ACAD9: variants seen among roughly 807,000 people sequenced by gnomAD.
The protein encoded by ACAD9 is complex I assembly factor ACAD9, mitochondrial.
A neutral mutation model predicts 70.2 loss-of-function variants in ACAD9; 53 were observed. That is an observed-to-expected ratio of 0.75 (90% CI 0.61 to 0.95). The LOEUF is 0.95. Among genes scored for constraint, ACAD9 ranks in the 40% least tolerant of loss-of-function variants. ACAD9 has a pLI of 0.00. For synonymous variants in ACAD9, 313 were observed against 312.1 expected (o/e 1.00, Z -0.03); for missense variants, 777 against 802.8 (o/e 0.97, Z 0.39).
chr3:128,899,437 A>G lies in ACAD9; in HGVS notation c.784A>G (p.Lys262Glu). 1 of 1,614,200 alleles carries G rather than the reference A, an allele frequency of 6.2e-7. No individual in the cohort carries two copies. The highest frequency in any genetic ancestry group is 8.5e-7 in the Non-Finnish European group (1 of 1,180,028). Reference protein sequence around the residue: ...GGVTNGKPEDKLGIRGSNTCE... With the variant: ...GGVTNGKPEDELGIRGSNTCE... ...AGTCACTAATGGGAAACCCGAAGAT[A>G]AATTAGGCATTCGGGGCTCCAACAG... The change falls in exon 7 of 18, where the codon AAA becomes GAA. Residue 262 changes from lysine (K) to glutamate (E), a missense_variant. By Grantham distance (56) the Lys-to-Glu change is moderately conservative. Coordinates refer to ENST00000308982, the MANE Select transcript of ACAD9 (RefSeq NM_014049.5).
At chr3:128,888,449 C>T (rs1365922549) in intron 2 of ACAD9, among the ~76,000 whole-genome samples, 1 of 152,020 alleles carries the variant, frequency 6.6e-6, no homozygotes, top group Non-Finnish European at 1.5e-5. Context: ...TGTGTTGGTG[C>T]CCACCTGTAA....
chr3:128,887,612 AAAAAAT>A (rs1262164766), intron 2 of ACAD9, among the ~76,000 whole-genome samples: 6 of 139,010 alleles, frequency 4.3e-5, no homozygotes, highest in East Asian at 4.1e-4. Context: ...CTGTCTCAAA[AAAAAAT>A]AAAAATAAAA....
Position 128,908,200 on chromosome 3 carries a change from C to G in ACAD9, c.1294C>G (p.Leu432Val), listed in dbSNP as rs747259275. The change falls in exon 13 of 18, where the codon CTC becomes GTC. Residue 432 changes from leucine (L) to valine (V), a missense_variant. Transcript: ENST00000308982. ...LLIFEGTNEI[L>V]RMYIALTGLQ... ...CTGACCACAGGGAACCAATGAGATTCTCCGGATGTACATCGCCCTGACGGG... is the reference window on the plus strand; with the variant it reads ...CTGACCACAGGGAACCAATGAGATTGTCCGGATGTACATCGCCCTGACGGG... The G allele has an allele frequency of 2.0e-5, 32 of 1,614,082 alleles. No individual in the cohort carries two copies. The highest frequency in any genetic ancestry group is 2.4e-5 in the Non-Finnish European group (28 of 1,180,046).
chr3:128,879,696 G>T lies in ACAD9; in HGVS notation c.5G>T (p.Ser2Ile), dbSNP rs761385146. Reference sequence around the variant, plus strand: ...GGCTGGGGAACATCGGGCAGCATGAGCGGCTGCGGGCTCTTCCTGCGCACC... The same window carrying T: ...GGCTGGGGAACATCGGGCAGCATGATCGGCTGCGGGCTCTTCCTGCGCACC... Reference protein sequence around the residue: MSGCGLFLRTTA... With the variant: MIGCGLFLRTTA... Residue 2 changes from serine to isoleucine, a missense_variant, in exon 1 of 18, where the codon AGC (serine) becomes ATC (isoleucine). Ser to Ile is a moderately radical substitution (Grantham distance 142). Transcript: ENST00000308982. 3 of 1,612,404 alleles carry T rather than the reference G, an allele frequency of 1.9e-6. No homozygotes were observed. In the East Asian group the frequency reaches 6.7e-5, roughly 36 times the overall value.
chr3:128,895,600 G>T (rs950845351), intron 4 of ACAD9, among the ~76,000 whole-genome samples, 184 bp downstream of exon 4: 1 of 152,156 alleles, frequency 6.6e-6, no homozygotes, highest in Non-Finnish European at 1.5e-5. Context: ...GCCCACATGC[G>T]CAGTGGCCTT....
chr3:128,897,380 C>T (rs1382771304), intron 5 of ACAD9, among the ~76,000 whole-genome samples: 1 of 152,156 alleles, frequency 6.6e-6, no homozygotes, highest in African/African-American at 2.4e-5. Context: ...CGGGGTTTCA[C>T]CATGTTGGCC....
chr3:128,896,395 T>A (rs1351284529), intron 4 of ACAD9, 41 bp from the exon 5 acceptor site: 23 of 1,585,044 alleles, frequency 1.5e-5, no homozygotes, highest in Non-Finnish European at 2.0e-5. Flanking sequence ...TGCTCTCCTT[T>A]CTCCCCACAG....
intron 11 of ACAD9, among the ~76,000 whole-genome samples, chr3:128,905,013 G>A (rs1935846693): frequency 6.6e-6 from 1 of 152,046 alleles, no homozygotes; most frequent in African/African-American, 2.4e-5. Context: ...GGGCATAGTG[G>A]CGGGCACCTG....
chr3:128,908,928 G>A (rs371396822), intron 13 of ACAD9, 45 bp from the exon 14 acceptor site: 59 of 1,613,588 alleles, frequency 3.7e-5, no homozygotes, highest in East Asian at 4.5e-5. Context: ...GACAGTGAGC[G>A]CCAGCAGCGA....
chr3:128,898,348 G>T, intron 6 of ACAD9: 28 of 426,822 alleles, frequency 6.6e-5, no homozygotes, highest in Admixed American at 3.7e-4. Flanking sequence ...TTTTTTGTTT[G>T]TTTTTGTTTT....
chr3:128,884,391 C>T (rs1158587218), intron 1 of ACAD9, among the ~76,000 whole-genome samples: 1 of 152,132 alleles, frequency 6.6e-6, no homozygotes, highest in East Asian at 1.9e-4. Context: ...ATTATCATCC[C>T]TTGTACTGAG....
intron 11 of ACAD9, among the ~76,000 whole-genome samples, chr3:128,904,904 G>T (rs543664180): frequency 1.3e-5 from 2 of 152,156 alleles, no homozygotes; most frequent in Admixed American, 6.5e-5. Flanking sequence ...CAGCACTTTG[G>T]GGGGCCGAGG....
intron 12 of ACAD9, among the ~76,000 whole-genome samples, chr3:128,906,978 T>G (rs1161755156): frequency 6.6e-6 from 1 of 152,166 alleles, no homozygotes; most frequent in African/African-American, 2.4e-5. Context: ...GCTGGACATG[T>G]GGACGGGGCT....
rs577397344 is a variant in ACAD9 at position 128,883,660 on chromosome 3, A to G, written c.151-993A>G. Reference sequence around the variant, plus strand: ...CGTGAGCCACCGTGCCTGGCCTCCAACCTTTTTTTTTTTCTATACCACCTT... The same window carrying G: ...CGTGAGCCACCGTGCCTGGCCTCCAGCCTTTTTTTTTTTCTATACCACCTT... On this transcript the variant is annotated intron_variant, in intron 1 of 17. Transcript: ENST00000308982. Among the ~76,000 whole-genome samples, 41 of 149,496 alleles carry G rather than the reference A, an allele frequency of 2.7e-4. 1 individual carries two copies. The highest frequency in any genetic ancestry group is 5.2e-4 in the Non-Finnish European group (35 of 67,504).
rs569105317 is a variant in ACAD9 at position 128,899,721 on chromosome 3, G to T, written c.808+260G>T. Among the ~76,000 whole-genome samples the T allele has an allele frequency of 5.9e-5, 9 of 152,334 alleles. No individual in the cohort carries two copies. The South Asian group carries it at 1.9e-3, about 32-fold the overall frequency. ...CTGAGTGCTGCTCACTTGAAGGCCT[G>T]CTGGTCATCCCCTGCTGTAGCTGCC... On this transcript the variant is annotated intron_variant, in intron 7 of 17. Coordinates refer to ENST00000308982, the MANE Select transcript of ACAD9 (RefSeq NM_014049.5).
At position 128,900,498 on chromosome 3, in the gene ACAD9, A is replaced by C. The variant is rs561832876; in HGVS notation, c.809-778A>C. Among the ~76,000 whole-genome samples the C allele has an allele frequency of 2.7e-5, 4 of 150,144 alleles. No homozygotes were observed. The South Asian group carries it at 8.4e-4, about 32-fold the overall frequency. On this transcript the variant is annotated intron_variant, in intron 7 of 17. Transcript: ENST00000308982. ...CGTGATCCGCTCACCTCGGCCTCCC[A>C]AAGTGCGTGAGCCACCGCACCCGGC...
At position 128,912,552 on chromosome 3, in the gene ACAD9, A is replaced by G; in HGVS notation, c.1811A>G (p.Gln604Arg). 6.2e-7 allele frequency: 1 copy of G among 1,614,180 alleles called. No individual in the cohort carries two copies. Among genetic ancestry groups the G allele is most frequent in the Non-Finnish European group, 8.5e-7 (1 of 1,180,028 alleles). ...GAGCAGATTAAGAAAGTGTCCCAGC[A>G]GATCCTTGAGAAGCGAGCCTATATC... ...LDEQIKKVSQ[Q>R]ILEKRAYICA... Residue 604 changes from glutamine (Q) to arginine (R), a missense_variant, in exon 18 of 18, where the codon CAG (glutamine) becomes CGG (arginine). Transcript: ENST00000308982.
chr3:128,908,401 C>G lies in ACAD9; in HGVS notation c.1358+137C>G, dbSNP rs115864277. ...TGTGGCGCAGCCTTGTGGAGGGGACCTTCCCCTGTGGTAGTGGGGGGCTTG... is the reference window on the plus strand; with the variant it reads ...TGTGGCGCAGCCTTGTGGAGGGGACGTTCCCCTGTGGTAGTGGGGGGCTTG... On this transcript the variant is annotated intron_variant, in intron 13 of 17. Coordinates refer to ENST00000308982, the MANE Select transcript of ACAD9 (RefSeq NM_014049.5). 51,107 of 1,066,424 alleles carry G rather than the reference C, an allele frequency of 0.048. 1,579 individuals are homozygous for G. Among genetic ancestry groups the G allele is most frequent in the Non-Finnish European group, 0.057 (40,396 of 706,928 alleles). The allele number at this position is 1,066,424 out of a possible 1,614,324, so 66.1% of individuals were successfully genotyped here.
chr3:128,897,674 T>G lies in ACAD9; in HGVS notation c.597T>G (p.Ser199Arg). The change falls in exon 6 of 18, where the codon AGT becomes AGG. Residue 199 changes from serine (S) to arginine (R), a missense_variant. Coordinates refer to ENST00000308982, the MANE Select transcript of ACAD9 (RefSeq NM_014049.5). Reference sequence around the variant, plus strand: ...CAATCCGGAGCAGAGCCACACTAAGTGAAGACAAGAAGCACTACATCCTCA... The same window carrying G: ...CAATCCGGAGCAGAGCCACACTAAGGGAAGACAAGAAGCACTACATCCTCA... Reference protein sequence around the residue: ...AASIRSRATLSEDKKHYILNG... With the variant: ...AASIRSRATLREDKKHYILNG... 6.2e-7 allele frequency: 1 copy of G among 1,613,898 alleles called. No individual in the cohort carries two copies. Among genetic ancestry groups the G allele is most frequent in the Non-Finnish European group, 8.5e-7 (1 of 1,179,906 alleles).
Sources: gnomAD v4.1 joint callset for allele counts (sites outside exome capture counted in the v4.1 genomes callset) on GRCh38, gnomAD v4.1.1 for gene constraint, MANE v1.5 for transcripts, NCBI Gene and HGNC (gene_info 2026-07-23, HGNC 2026-07-21) for gene names.